The following SLC25A24 variants were observed in gnomAD, a reference collection of about 807,000 sequenced individuals.
The protein encoded by SLC25A24 is mitochondrial adenyl nucleotide antiporter SLC25A24.
Under a neutral mutation model 60.7 loss-of-function variants are expected in SLC25A24, and 49 were observed. The ratio of observed to expected loss-of-function variants is 0.81; its 90% CI spans 0.64 to 1.02. The LOEUF (loss-of-function observed/expected upper bound fraction) is 1.02, where lower values mean the gene tolerates loss of function less well. Ranked by LOEUF, SLC25A24 falls within the 50% of genes least tolerant of loss-of-function variation. The pLI is 0.00. For missense variants in SLC25A24, 564 were observed against 586.3 expected, an observed-to-expected ratio of 0.96 and a Z score of 0.39; for synonymous variants, 202 against 200.6, an observed-to-expected ratio of 1.01 and a Z score of -0.06.
At chr1:108,166,926 C>G (rs1420705662) in intron 3 of SLC25A24, among the ~76,000 whole-genome samples, 1 of 151,106 alleles carries the variant, frequency 6.6e-6, no homozygotes, top group Non-Finnish European at 1.5e-5. Flanking sequence ...GTGGTTTTAT[C>G]TACTTTTGGT....
chr1:108,185,969 TAG>T lies in SLC25A24; in HGVS notation c.184-17_184-16del. ...GTAAAAATTTTCTATAAAAAAAAAT[TAG>T]AGAGAAGTTATTGCCAATATGGGCT... On this transcript the variant is annotated splice_polypyrimidine_tract_variant and intron_variant, in intron 1 of 9. Coordinates refer to ENST00000565488, the MANE Select transcript of SLC25A24 (RefSeq NM_013386.5). 1 of 1,548,856 alleles carries T rather than the reference TAG, an allele frequency of 6.5e-7. No homozygotes were observed. The highest frequency in any genetic ancestry group is 8.8e-7 in the Non-Finnish European group (1 of 1,141,516).
intron 3 of SLC25A24, among the ~76,000 whole-genome samples, chr1:108,162,645 GT>G (rs1238109588): frequency 2.0e-5 from 3 of 152,060 alleles, no homozygotes; most frequent in Non-Finnish European, 2.9e-5. Flanking sequence ...AGGGTTGTTT[GT>G]TTTTTTCTTG....
intron 3 of SLC25A24, among the ~76,000 whole-genome samples, chr1:108,180,603 A>C (rs1647879735): frequency 7.1e-6 from 1 of 141,174 alleles, no homozygotes; most frequent in Non-Finnish European, 1.5e-5. Context: ...TTATAATAGA[A>C]AGCAAGAGAA....
At chr1:108,164,035 A>T (rs1680170364) in intron 3 of SLC25A24, among the ~76,000 whole-genome samples, 1 of 152,318 alleles carries the variant, frequency 6.6e-6, no homozygotes, top group East Asian at 1.9e-4. Context: ...CTTTTTCTGC[A>T]TCTATTGAGA....
chr1:108,157,763 T>C, intron 4 of SLC25A24, 143 bp from the exon 5 acceptor site: 2 of 850,230 alleles, frequency 2.4e-6, no homozygotes, highest in South Asian at 1.8e-5. Flanking sequence ...TTTGAGTACA[T>C]AGATTATAAG....
At chr1:108,153,321 C>G (rs1429188084) in intron 6 of SLC25A24, among the ~76,000 whole-genome samples, 1 of 152,166 alleles carries the variant, frequency 6.6e-6, no homozygotes, top group Non-Finnish European at 1.5e-5. Flanking sequence ...AAAGTACTAG[C>G]TATTCAAGGA....
chr1:108,200,071 C>T lies in SLC25A24; in HGVS notation c.68G>A (p.Arg23His). 1.9e-6 allele frequency: 3 copies of T among 1,592,390 alleles called. No homozygotes were observed. Among genetic ancestry groups the T allele is most frequent in the Middle Eastern group, 1.7e-4 (1 of 6,040 alleles). Residue 23 changes from arginine (R) to histidine (H), a missense_variant, in exon 1 of 10, where the codon CGC becomes CAC. By Grantham distance (29) the Arg-to-His change is conservative. Coordinates refer to ENST00000565488, the MANE Select transcript of SLC25A24 (RefSeq NM_013386.5). Reference protein sequence around the residue: ...AACQDAEQPTRYETLFQALDR... With the variant: ...AACQDAEQPTHYETLFQALDR... The stretch of plus-strand genomic sequence containing the variant: ...CAGTGCCTGGAAGAGGGTCTCGTAG[C>T]GCGTCGGCTGCTCCGCGTCCTGGCA...
chr1:108,168,264 T>C (rs79365193), intron 3 of SLC25A24, among the ~76,000 whole-genome samples: 1,954 of 152,260 alleles, frequency 0.013, 43 homozygotes, highest in African/African-American at 0.045. Context: ...TGCATGAGAG[T>C]CCTAGTCACT....
Position 108,139,916 on chromosome 1 carries a change from G to GT in SLC25A24, c.1099-709dup, listed in dbSNP as rs1213171537. 2.0e-5 allele frequency among the ~76,000 whole-genome samples: 3 copies of GT among 152,112 alleles called. No homozygotes were observed. The East Asian group carries it at 5.8e-4, about 29-fold the overall frequency. On this transcript the variant is annotated intron_variant, in intron 8 of 9. Coordinates refer to ENST00000565488, the MANE Select transcript of SLC25A24 (RefSeq NM_013386.5). The stretch of plus-strand genomic sequence containing the variant: ...CATGAGCCACCACACCAGGCCCAGA[G>GT]TTTTTTTAAGAAGGACTCAGAACCA...
chr1:108,164,152 A>T (rs1299344240), intron 3 of SLC25A24, among the ~76,000 whole-genome samples: 1 of 149,968 alleles, frequency 6.7e-6, no homozygotes, highest in African/African-American at 2.4e-5. Context: ...CCACTTGATC[A>T]TGGTGGATAA....
At chr1:108,196,460 G>A (rs960587875) in intron 1 of SLC25A24, among the ~76,000 whole-genome samples, 1 of 152,192 alleles carries the variant, frequency 6.6e-6, no homozygotes, top group African/African-American at 2.4e-5. Flanking sequence ...TAAAGCTCCA[G>A]TAAGGCTCAA....
At chr1:108,163,247 CTT>C (rs1465081599) in intron 3 of SLC25A24, among the ~76,000 whole-genome samples, 1 of 105,960 alleles carries the variant, frequency 9.4e-6, no homozygotes, top group African/African-American at 4.4e-5. Context: ...CAGCTTTGTT[CTT>C]TTGGCTTAGG....
Position 108,154,994 on chromosome 1 carries a change from C to T in SLC25A24, c.811G>A (p.Ala271Thr). Residue 271 changes from alanine (A) to threonine (T), a missense_variant, in exon 6 of 10, where the codon GCA becomes ACA. Ala to Thr is a moderately conservative substitution (Grantham distance 58, BLOSUM62 0). Transcript: ENST00000565488. ...IAPETAVKFW[A>T]YEQYKKLLTE... ...GTGATAACAATTACCTGTTCATATG[C>T]CCAGAATTTAACAGCTGTCTCAGGA... 6.2e-7 allele frequency: 1 copy of T among 1,606,468 alleles called. No individual in the cohort carries two copies. Among genetic ancestry groups the T allele is most frequent in the Non-Finnish European group, 8.5e-7 (1 of 1,176,670 alleles).
At chr1:108,184,345 T>C (rs184443824) in intron 2 of SLC25A24, among the ~76,000 whole-genome samples, 301 of 152,252 alleles carry the variant, frequency 2.0e-3, no homozygotes, top group Non-Finnish European at 3.2e-3. Context: ...AGGGTCGATG[T>C]TGGAATGAAA....
intron 1 of SLC25A24, among the ~76,000 whole-genome samples, chr1:108,194,454 TAG>T (rs1341919932): frequency 8.9e-6 from 1 of 112,588 alleles, no homozygotes; most frequent in Non-Finnish European, 1.9e-5. Context: ...AGCCTTGGGT[TAG>T]AGTCTACAGG....
intron 3 of SLC25A24, among the ~76,000 whole-genome samples, chr1:108,171,009 A>G (rs893702641): frequency 6.6e-6 from 1 of 152,168 alleles, no homozygotes; most frequent in Non-Finnish European, 1.5e-5. Context: ...GGCACATTTT[A>G]GTGGAGTTTT....
chr1:108,142,699 T>TTTACA (rs1283605419), intron 8 of SLC25A24, among the ~76,000 whole-genome samples: 2 of 152,184 alleles, frequency 1.3e-5, no homozygotes, highest in African/African-American at 4.8e-5. Flanking sequence ...GTGTTGATGG[T>TTTACA]TGCACAATAT....
chr1:108,155,817 G>C (rs191109996), intron 5 of SLC25A24, among the ~76,000 whole-genome samples: 1 of 152,118 alleles, frequency 6.6e-6, no homozygotes, highest in South Asian at 2.1e-4. Flanking sequence ...AGATGTGGTA[G>C]TCACTTAAAA....
intron 3 of SLC25A24, among the ~76,000 whole-genome samples, chr1:108,168,382 C>T (rs566274682): frequency 6.6e-6 from 1 of 152,258 alleles, no homozygotes; most frequent in South Asian, 2.1e-4. Context: ...CAACTCCCCA[C>T]ACATAAGCAT....
Sources: gnomAD v4.1 joint callset for allele counts (sites outside exome capture counted in the v4.1 genomes callset) on GRCh38, gnomAD v4.1.1 for gene constraint, MANE v1.5 for transcripts, NCBI Gene and HGNC (gene_info 2026-07-23, HGNC 2026-07-21) for gene names.